The following ABCB10 variants were observed in gnomAD, a reference collection of about 807,000 sequenced individuals.
ABCB10 encodes the protein ATP-binding cassette sub-family B member 10, mitochondrial.
A neutral mutation model predicts 65.4 loss-of-function variants in ABCB10; 54 were observed. The ratio of observed to expected loss-of-function variants is 0.83; its 90% CI spans 0.66 to 1.04. The LOEUF is 1.04. ABCB10 is among the 50% of genes least tolerant of loss of function. The probability of loss-of-function intolerance (pLI) is 0.00; values close to 1 mark genes in which losing one functional copy is unlikely to be tolerated. For missense variants in ABCB10, 846 were observed against 976.6 expected (o/e 0.87, Z 1.78); for synonymous variants, 418 against 406.5 (o/e 1.03, Z -0.34).
chr1:229,539,839 C>T (rs920059212), intron 5 of ABCB10, among the ~76,000 whole-genome samples: 5 of 152,180 alleles, frequency 3.3e-5, no homozygotes, highest in Non-Finnish European at 7.3e-5. Flanking sequence ...ATCCCATCTA[C>T]TCAGTTTGCA....
chr1:229,521,740 A>C, intron 10 of ABCB10, 105 bp from the exon 11 acceptor site: 1 of 1,183,694 alleles, frequency 8.4e-7, no homozygotes, highest in Non-Finnish European at 1.2e-6. Context: ...TCTTCTAGTT[A>C]GTCATAGCTG....
At chr1:229,544,938 T>C (rs981070135) in intron 3 of ABCB10, among the ~76,000 whole-genome samples, 3 of 151,668 alleles carry the variant, frequency 2.0e-5, no homozygotes, top group Non-Finnish European at 2.9e-5. Context: ...ACCTCCAGAA[T>C]TGTGAGAAAT....
At chr1:229,536,594 C>G (rs1198867017) in intron 6 of ABCB10, among the ~76,000 whole-genome samples, 1 of 152,126 alleles carries the variant, frequency 6.6e-6, no homozygotes, top group Non-Finnish European at 1.5e-5. Flanking sequence ...ACAACAAAAG[C>G]ACAATGGCCC....
chr1:229,555,660 T>A lies in ABCB10; in HGVS notation c.517+2476A>T, dbSNP rs566231252. Among the ~76,000 whole-genome samples, 170 of 152,354 alleles carry A rather than the reference T, an allele frequency of 1.1e-3. 1 individual carries two copies. The highest frequency in any genetic ancestry group is 3.4e-3 in the Middle Eastern group (1 of 294). ...CATTTTTGAAAAAAGATTTTTGTAT[T>A]TTTCTAAAAATTAACAAATTAACAT... On this transcript the variant is annotated intron_variant, in intron 1 of 12. Coordinates refer to ENST00000344517, the MANE Select transcript of ABCB10 (RefSeq NM_012089.3).
At chr1:229,549,167 G>C in intron 2 of ABCB10, 67 bp downstream of exon 2, 4 of 1,571,126 alleles carry the variant, frequency 2.5e-6, no homozygotes, top group South Asian at 1.1e-5. Context: ...ATTTGAGCCC[G>C]AACAAACCCA....
chr1:229,527,421 A>G, intron 8 of ABCB10, 113 bp from the exon 9 acceptor site: 1 of 915,706 alleles, frequency 1.1e-6, no homozygotes, highest in Non-Finnish European at 1.7e-6. Context: ...ATCAAAATGT[A>G]CTGAAAATCT....
Position 229,558,547 on chromosome 1 carries a change from C to T in ABCB10, c.106G>A (p.Val36Ile), listed in dbSNP as rs1002563287. 9.0e-6 allele frequency: 13 copies of T among 1,440,518 alleles called. No homozygotes were observed. The highest frequency in any genetic ancestry group is 9.1e-6 in the Non-Finnish European group (10 of 1,098,028). The allele number at this position is 1,440,518 out of a possible 1,614,324, so 89.2% of individuals were successfully genotyped here. A position where few individuals can be genotyped will look rare whatever the true frequency, so the allele number is the denominator to read the frequency against. The change falls in exon 1 of 13, where the codon GTT becomes ATT. Residue 36 changes from valine (V) to isoleucine (I), a missense_variant. Val to Ile is a conservative substitution (Grantham distance 29, BLOSUM62 3). Coordinates refer to ENST00000344517, the MANE Select transcript of ABCB10 (RefSeq NM_012089.3). ...VACVWAAASR[V>I]PGSLSPFTGL... is the part of the protein sequence containing the mutation. ...GTGAACGGCGATAGGGACCCGGGAA[C>T]GCGGCTGGCCGCGGCCCACACGCAG...
intron 1 of ABCB10, among the ~76,000 whole-genome samples, chr1:229,556,018 G>C (rs1355823906): frequency 6.7e-6 from 1 of 149,676 alleles, no homozygotes. Flanking sequence ...CCCTAGGCTT[G>C]TTTCTTCAAA....
At chr1:229,553,889 T>C (rs1663179419) in intron 1 of ABCB10, among the ~76,000 whole-genome samples, 1 of 152,090 alleles carries the variant, frequency 6.6e-6, no homozygotes, top group South Asian at 2.1e-4. Flanking sequence ...CCTCACAGAA[T>C]TATGAGTAAA....
chr1:229,530,436 C>T (rs1662556430), intron 7 of ABCB10, 28 bp from the exon 8 acceptor site: 2 of 1,609,730 alleles, frequency 1.2e-6, no homozygotes, highest in South Asian at 1.1e-5. Context: ...ATATTAATTA[C>T]TTACAGCAAA....
chr1:229,531,299 CA>C (rs1384053046), intron 7 of ABCB10, among the ~76,000 whole-genome samples: 1 of 152,150 alleles, frequency 6.6e-6, no homozygotes, highest in Non-Finnish European at 1.5e-5. Flanking sequence ...TAGGGAAGAT[CA>C]ATTTGGTAAA....
intron 3 of ABCB10, among the ~76,000 whole-genome samples, chr1:229,546,300 T>C (rs1015935797): frequency 9.2e-5 from 14 of 152,148 alleles, no homozygotes; most frequent in African/African-American, 3.4e-4. Flanking sequence ...AAGAACATAG[T>C]ATATAATACA....
At position 229,539,568 on chromosome 1, in the gene ABCB10, G is replaced by A. The variant is rs568277242; in HGVS notation, c.1227C>T (p.Ile409=). 9 of 1,613,946 alleles carry A rather than the reference G, an allele frequency of 5.6e-6. No homozygotes were observed. The highest frequency in any genetic ancestry group is 1.7e-5 in the Admixed American group (1 of 59,980). The change falls in exon 6 of 13, where the codon ATC becomes ATT. Residue 409 remains isoleucine, a synonymous_variant. Coordinates refer to ENST00000344517, the MANE Select transcript of ABCB10 (RefSeq NM_012089.3). ...CTCCTTTGTACAGGACAGAAAGCAC[G>A]ATCAGGTTTCCGGAGAGCCCAGTCT... The part of the protein sequence containing the change: ...FGATGLSGNL[I]VLSVLYKGGL...
At chr1:229,523,118 T>C (rs1365810810) in intron 10 of ABCB10, among the ~76,000 whole-genome samples, 1 of 152,232 alleles carries the variant, frequency 6.6e-6, no homozygotes, top group Non-Finnish European at 1.5e-5. Flanking sequence ...TAAGTCACTC[T>C]AATCCTGTCT....
chr1:229,519,613 C>A (rs1662253975), intron 11 of ABCB10, among the ~76,000 whole-genome samples: 1 of 152,094 alleles, frequency 6.6e-6, no homozygotes, highest in South Asian at 2.1e-4. Flanking sequence ...CATGGCAAAA[C>A]CCCGTCTCTA....
intron 3 of ABCB10, 98 bp from the exon 4 acceptor site, chr1:229,542,469 G>A: frequency 9.1e-7 from 1 of 1,095,178 alleles, no homozygotes; most frequent in Non-Finnish European, 1.2e-6. Context: ...GGGTGTGTCT[G>A]TGTGTGTGTG....
chr1:229,539,490 T>C lies in ABCB10; in HGVS notation c.1305A>G (p.Leu435=). 1 of 1,613,908 alleles carries C rather than the reference T, an allele frequency of 6.2e-7. No individual in the cohort carries two copies. The highest frequency in any genetic ancestry group is 8.5e-7 in the Non-Finnish European group (1 of 1,179,856). The change falls in exon 6 of 13, where the codon CTA becomes CTG. Residue 435 remains leucine (L), a synonymous_variant. Transcript: ENST00000344517. ...HMTVGELSSF[L]MYAFWVGISI... is the part of the protein sequence containing the mutation. ...TTATTCCAACCCAGAAAGCATACAT[T>C]AGGAAGGAAGAGAGTTCACCCACGG... is the stretch of plus-strand genomic sequence containing the variant.
intron 2 of ABCB10, among the ~76,000 whole-genome samples, chr1:229,548,879 TCTCGAACTCCTGAC>T (rs1350312825): frequency 6.6e-6 from 1 of 152,018 alleles, no homozygotes; most frequent in Admixed American, 6.6e-5. Context: ...GCCAGGCTGG[TCTCGAACTCCTGAC>T]CTCATGATCC....
chr1:229,544,100 A>C (rs1472004610), intron 3 of ABCB10, among the ~76,000 whole-genome samples: 1 of 152,186 alleles, frequency 6.6e-6, no homozygotes. Flanking sequence ...GGGTGCTGGC[A>C]CCATAATGAA....
Sources: allele counts gnomAD v4.1 joint callset (sites outside exome capture counted in the v4.1 genomes callset), GRCh38; gene constraint gnomAD v4.1.1; transcripts MANE v1.5; gene names NCBI Gene and HGNC (gene_info 2026-07-23, HGNC 2026-07-21).